SH3KBP1: variants seen among roughly 807,000 people sequenced by gnomAD.
SH3KBP1 encodes SH3 domain-containing kinase-binding protein 1.
A neutral mutation model predicts 50.1 loss-of-function variants in SH3KBP1; 8 were observed. The ratio of observed to expected loss-of-function variants is 0.16; its 90% CI spans 0.09 to 0.29. SH3KBP1 has a LOEUF of 0.29. SH3KBP1 is among the 10% of genes least tolerant of loss of function. The pLI is 1.00. For synonymous variants in SH3KBP1, 227 were observed against 218.6 expected (o/e 1.04, Z -0.34); for missense variants, 377 against 535.2 (o/e 0.70, Z 2.92).
chrX:19,814,145 C>T (rs2147296806), intron 2 of SH3KBP1, among the ~76,000 whole-genome samples: 1 of 110,376 alleles, frequency 9.1e-6, no homozygotes, highest in South Asian at 3.9e-4. Context: ...TCATCTCTCC[C>T]TCCTTCCTCT....
At chrX:19,571,118 T>C (rs1275412448) in intron 12 of SH3KBP1, among the ~76,000 whole-genome samples, 1 of 112,184 alleles carries the variant, frequency 8.9e-6, no homozygotes, top group Non-Finnish European at 1.9e-5. Context: ...GGGGTAAGAA[T>C]ACCAGGGACC....
At chrX:19,539,485 G>A (rs2064819540) in intron 16 of SH3KBP1, among the ~76,000 whole-genome samples, 1 of 112,124 alleles carries the variant, frequency 8.9e-6, no homozygotes, top group Non-Finnish European at 1.9e-5. Flanking sequence ...GGAAGAAGGT[G>A]AGACTCCAAG....
At chrX:19,873,286 A>ACG (rs200576869) in intron 1 of SH3KBP1, among the ~76,000 whole-genome samples, 12,157 of 91,685 alleles carry the variant, frequency 0.13, 672 homozygotes, top group African/African-American at 0.17. Flanking sequence ...ATATATATAT[A>ACG]TATGTATATA....
chrX:19,605,515 C>T (rs1569333571), intron 9 of SH3KBP1, among the ~76,000 whole-genome samples: 1 of 111,658 alleles, frequency 9.0e-6, no homozygotes, highest in African/African-American at 3.3e-5. Flanking sequence ...CCAAATGCTT[C>T]AGGATGTGCC....
chrX:19,821,988 T>C lies in SH3KBP1; in HGVS notation c.162+14137A>G, dbSNP rs770215074. ...TTAATCTTTCTTTTCTTTCAGCCCA[T>C]GAAAATGTTGTACACTTCCTTCTGG... On this transcript the variant is annotated intron_variant, in intron 2 of 17. Coordinates refer to ENST00000397821, the MANE Select transcript of SH3KBP1 (RefSeq NM_031892.3). Among the ~76,000 whole-genome samples, 6 of 112,801 alleles carry C rather than the reference T, an allele frequency of 5.3e-5. No homozygotes were observed. The South Asian group carries it at 1.4e-3, about 27-fold the overall frequency.
intron 15 of SH3KBP1, among the ~76,000 whole-genome samples, chrX:19,545,548 C>A (rs901852639): frequency 8.9e-6 from 1 of 112,046 alleles, no homozygotes; most frequent in African/African-American, 3.2e-5. Flanking sequence ...AAGACAAGAT[C>A]TGTGGGCAGA....
intron 2 of SH3KBP1, among the ~76,000 whole-genome samples, chrX:19,764,986 CTTTTT>C (rs34368819): frequency 1.3e-4 from 6 of 44,559 alleles, no homozygotes; most frequent in Admixed American, 3.3e-4. Context: ...TTTTGCAGTT[CTTTTT>C]TTTTTTTTTT....
intron 1 of SH3KBP1, among the ~76,000 whole-genome samples, chrX:19,874,068 A>AAAATAT (rs1491537486): frequency 3.5e-5 from 2 of 57,033 alleles, no homozygotes; most frequent in African/African-American, 3.2e-4. Context: ...AAAAAAAAAA[A>AAAATAT]ATATATATAT....
At chrX:19,744,975 C>A (rs763501178) in intron 3 of SH3KBP1, among the ~76,000 whole-genome samples, 1 of 112,429 alleles carries the variant, frequency 8.9e-6, no homozygotes, top group African/African-American at 3.2e-5. Context: ...GGTCAACATG[C>A]GTGCAATTGC....
intron 3 of SH3KBP1, among the ~76,000 whole-genome samples, chrX:19,725,213 G>A (rs2064182241): frequency 9.2e-6 from 1 of 108,440 alleles, no homozygotes; most frequent in Non-Finnish European, 1.9e-5. Flanking sequence ...AGCACTTTGG[G>A]AGGTTGAGGC....
chrX:19,837,594 C>T (rs1416923027), intron 1 of SH3KBP1, among the ~76,000 whole-genome samples: 1 of 107,287 alleles, frequency 9.3e-6, no homozygotes, highest in Non-Finnish European at 1.9e-5. Flanking sequence ...ATGCATGCCA[C>T]CCCACCCAGC....
intron 2 of SH3KBP1, among the ~76,000 whole-genome samples, chrX:19,833,454 C>T (rs181691423): frequency 9.3e-6 from 1 of 107,049 alleles, no homozygotes; most frequent in African/African-American, 3.4e-5. Flanking sequence ...CCACAGTCCT[C>T]CTTCCTTCCC....
intron 8 of SH3KBP1, among the ~76,000 whole-genome samples, chrX:19,629,231 G>T (rs2061524733): frequency 9.0e-6 from 1 of 110,831 alleles, no homozygotes; most frequent in African/African-American, 3.3e-5. Context: ...GGATATACGG[G>T]GGGTACCTGC....
intron 6 of SH3KBP1, among the ~76,000 whole-genome samples, chrX:19,670,561 C>T (rs2062762507): frequency 9.0e-6 from 1 of 111,529 alleles, no homozygotes; most frequent in Admixed American, 9.5e-5. Context: ...ACCCAAGACA[C>T]AGAGAGATTG....
At chrX:19,543,815 G>A (rs1272460307) in intron 15 of SH3KBP1, among the ~76,000 whole-genome samples, 1 of 111,471 alleles carries the variant, frequency 9.0e-6, no homozygotes, top group African/African-American at 3.3e-5. Flanking sequence ...GGAGGGCCGA[G>A]GAAGAAGGAC....
intron 6 of SH3KBP1, among the ~76,000 whole-genome samples, chrX:19,679,108 CAT>C (rs1385860908): frequency 8.9e-6 from 1 of 112,020 alleles, no homozygotes; most frequent in Non-Finnish European, 1.9e-5. Context: ...TACACACACA[CAT>C]GAACGGACAC....
intron 3 of SH3KBP1, among the ~76,000 whole-genome samples, chrX:19,713,289 G>T (rs1445890135): frequency 9.1e-6 from 1 of 109,584 alleles, no homozygotes; most frequent in East Asian, 2.8e-4. Context: ...TTGAGACAGG[G>T]TCTCACTCTG....
intron 9 of SH3KBP1, among the ~76,000 whole-genome samples, chrX:19,605,665 G>A (rs746330305): frequency 1.8e-5 from 2 of 111,675 alleles, no homozygotes; most frequent in Non-Finnish European, 3.8e-5. Context: ...GGCCCTAAAC[G>A]CCAGACCTAA....
At chrX:19,683,470 A>G in intron 6 of SH3KBP1, 1 of 334,461 alleles carries the variant, frequency 3.0e-6, no homozygotes, top group South Asian at 2.9e-5. Flanking sequence ...AGGAGCGGAG[A>G]GAGATTGGCC....
Sources: allele counts gnomAD v4.1 joint callset (sites outside exome capture counted in the v4.1 genomes callset), GRCh38; gene constraint gnomAD v4.1.1; transcripts MANE v1.5; gene names NCBI Gene and HGNC (gene_info 2026-07-23, HGNC 2026-07-21).